SMIM35: variants seen among roughly 807,000 people sequenced by gnomAD.
SMIM35 encodes small integral membrane protein 35, also known as TMPRSS4 antisense RNA 1 (non-protein coding).
At chr11:118,029,113 A>G in intron 1 of SMIM35, 1 of 268,420 alleles carries the variant, frequency 3.7e-6, no homozygotes, top group Non-Finnish European at 7.3e-6. Flanking sequence ...GAAGTATAGC[A>G]TAAATAAATA....
chr11:118,076,584 T>C (rs1369887731), intron 1 of SMIM35, among the ~76,000 whole-genome samples: 2 of 152,080 alleles, frequency 1.3e-5, no homozygotes, highest in Non-Finnish European at 2.9e-5. Context: ...GAAGCACTAG[T>C]ACATTGGCTC....
At chr11:118,049,188 A>G (rs1944165951) in intron 1 of SMIM35, among the ~76,000 whole-genome samples, 1 of 151,998 alleles carries the variant, frequency 6.6e-6, no homozygotes, top group Non-Finnish European at 1.5e-5. Flanking sequence ...AGACAATGCC[A>G]CACAGAGCCA....
chr11:118,053,716 C>T (rs1233553309), intron 1 of SMIM35, among the ~76,000 whole-genome samples: 1 of 152,170 alleles, frequency 6.6e-6, no homozygotes, highest in Non-Finnish European at 1.5e-5. Flanking sequence ...GGCTCAAGTC[C>T]TACCATTTAT....
At chr11:118,025,311 T>C (rs2058265970) in intron 1 of SMIM35, 1 of 341,900 alleles carries the variant, frequency 2.9e-6, no homozygotes, top group Non-Finnish European at 5.7e-6. Context: ...AGTCAAATGG[T>C]AGTTGTGTTT....
At chr11:118,055,734 A>G (rs1944300722) in intron 1 of SMIM35, among the ~76,000 whole-genome samples, 1 of 152,200 alleles carries the variant, frequency 6.6e-6, no homozygotes. Context: ...CTCCTTGGTT[A>G]TTGATTCGAT....
chr11:118,078,441 A>C (rs538023789), intron 1 of SMIM35, among the ~76,000 whole-genome samples: 29 of 152,262 alleles, frequency 1.9e-4, no homozygotes, highest in African/African-American at 6.7e-4. Context: ...ACTTCCCACG[A>C]CACTCTTCTG....
chr11:118,071,742 A>G (rs773062724), intron 1 of SMIM35, among the ~76,000 whole-genome samples: 7 of 152,200 alleles, frequency 4.6e-5, no homozygotes, highest in Non-Finnish European at 1.0e-4. Context: ...AATTCAGCTC[A>G]CTTCAGAAAT....
intron 1 of SMIM35, among the ~76,000 whole-genome samples, chr11:118,032,274 A>G (rs1425938077): frequency 6.6e-6 from 1 of 152,322 alleles, no homozygotes; most frequent in African/African-American, 2.4e-5. Context: ...ATTAGATGGG[A>G]GTAGTGTATT....
In SMIM35 at chr11:118,077,205, T is replaced by G. The variant is rs539315818; in HGVS notation, c.7+9546A>C. On this transcript the variant is annotated intron_variant, in intron 1 of 4. Coordinates refer to ENST00000689828, the MANE Select transcript of SMIM35 (RefSeq NM_001394165.1). The stretch of plus-strand genomic sequence containing the variant: ...TGCTGACCAGGGACTTCTGACCTGC[T>G]GGCCAGCCAGGACCTGTGTGGGGAG... The G allele has an allele frequency of 5.3e-4, 798 of 1,514,842 alleles. 4 individuals are homozygous for G. The Middle Eastern group carries it at 7.4e-3, about 14-fold the overall frequency. 93.8% of individuals were successfully genotyped at this position (1,514,842 alleles called of 1,614,324 possible). A position where few individuals can be genotyped will look rare whatever the true frequency, so the allele number is the denominator to read the frequency against.
At chr11:118,076,267 C>CAAAAT (rs1392012560) in intron 1 of SMIM35, among the ~76,000 whole-genome samples, 2 of 150,754 alleles carry the variant, frequency 1.3e-5, no homozygotes, top group African/African-American at 2.4e-5. Context: ...GACTCTGTCT[C>CAAAAT]AAAATAAAAT....
At chr11:118,079,187 T>A (rs1198478574) in intron 1 of SMIM35, among the ~76,000 whole-genome samples, 1 of 152,162 alleles carries the variant, frequency 6.6e-6, no homozygotes, top group Non-Finnish European at 1.5e-5. Flanking sequence ...GCCATTATAC[T>A]GCCTGTGCTG....
intron 1 of SMIM35, among the ~76,000 whole-genome samples, chr11:118,082,219 T>C (rs922900882): frequency 1.3e-5 from 2 of 152,206 alleles, no homozygotes; most frequent in Admixed American, 1.3e-4. Context: ...CTCCCTTCAG[T>C]CTAATACAAC....
chr11:118,006,806 A>G (rs1030049615), intron 4 of SMIM35, among the ~76,000 whole-genome samples: 2 of 152,110 alleles, frequency 1.3e-5, no homozygotes, highest in African/African-American at 4.8e-5. Flanking sequence ...ATCATGCTGG[A>G]TCCCTTCCCT....
chr11:118,077,121 C>A, intron 1 of SMIM35: 1 of 597,330 alleles, frequency 1.7e-6, no homozygotes, highest in Non-Finnish European at 2.9e-6. Context: ...GCTCAGCGGA[C>A]AAGGATGCTG....
chr11:118,045,299 T>C (rs1385572786), intron 1 of SMIM35, among the ~76,000 whole-genome samples: 1 of 149,846 alleles, frequency 6.7e-6, no homozygotes, highest in East Asian at 2.0e-4. Flanking sequence ...AGAATAGATA[T>C]CACATAATTC....
At chr11:118,024,893 C>T (rs2058261646) in intron 1 of SMIM35, among the ~76,000 whole-genome samples, 1 of 152,074 alleles carries the variant, frequency 6.6e-6, no homozygotes, top group Non-Finnish European at 1.5e-5. Context: ...TTACTATTAC[C>T]AATAGTTAGT....
chr11:118,010,458 C>A (rs189099975), intron 4 of SMIM35, among the ~76,000 whole-genome samples: 7 of 152,354 alleles, frequency 4.6e-5, no homozygotes, highest in Admixed American at 2.6e-4. Flanking sequence ...GGTGTCTCTT[C>A]TCTACTCGGC....
chr11:118,054,805 AT>A (rs34274655), intron 1 of SMIM35, among the ~76,000 whole-genome samples: 26,306 of 139,188 alleles, frequency 0.19, 2,524 homozygotes, highest in East Asian at 0.39. Context: ...TATTTTCAGG[AT>A]TTTTTTTTTT....
chr11:118,027,016 C>CTTTTTTTTTTTTTTT (rs60864416), intron 1 of SMIM35, among the ~76,000 whole-genome samples: 7 of 93,254 alleles, frequency 7.5e-5, no homozygotes, highest in African/African-American at 1.3e-4. Context: ...ACCACCACCA[C>CTTTTTTTTTTTTTTT]TTTTTTTTTT....
Sources: allele counts gnomAD v4.1 joint callset (sites outside exome capture counted in the v4.1 genomes callset), GRCh38; gene constraint gnomAD v4.1.1; transcripts MANE v1.5; gene names NCBI Gene and HGNC (gene_info 2026-07-23, HGNC 2026-07-21).